Variants in MCUB observed in about 807,000 individuals in gnomAD.
MCUB encodes the protein calcium uniporter regulatory subunit MCUb, mitochondrial.
A neutral mutation model predicts 41.4 loss-of-function variants in MCUB; 46 were observed. The observed-to-expected ratio is 1.11, with a 90% CI of 0.88 to 1.42. The LOEUF is 1.42. MCUB is among the 40% of genes most tolerant of loss of function. MCUB has a pLI of 0.00. For synonymous variants in MCUB, 148 were observed against 148.2 expected (o/e 1.00, Z 0.01); for missense variants, 403 against 404.9 (o/e 1.00, Z 0.04).
intron 1 of MCUB, among the ~76,000 whole-genome samples, chr4:109,655,342 C>T (rs556906534): frequency 6.6e-6 from 1 of 152,280 alleles, no homozygotes; most frequent in East Asian, 1.9e-4. Context: ...TGTTTAGGGA[C>T]TTTCATGGAG....
chr4:109,666,623 A>T (rs919731412), intron 4 of MCUB, among the ~76,000 whole-genome samples: 1 of 152,058 alleles, frequency 6.6e-6, no homozygotes, highest in Non-Finnish European at 1.5e-5. Flanking sequence ...ATCTTTGCCC[A>T]TTTTGTGATC....
intron 4 of MCUB, among the ~76,000 whole-genome samples, chr4:109,682,241 C>CCA (rs1579099389): frequency 1.3e-5 from 2 of 152,182 alleles, no homozygotes; most frequent in East Asian, 3.9e-4. Flanking sequence ...AAGGGAGAGG[C>CCA]CAGAGAGCCT....
intron 1 of MCUB, among the ~76,000 whole-genome samples, chr4:109,635,999 C>T (rs949307915): frequency 6.6e-6 from 1 of 152,186 alleles, no homozygotes; most frequent in African/African-American, 2.4e-5. Flanking sequence ...TTTAGAGATA[C>T]TGCCAGTTTT....
chr4:109,595,669 A>T (rs1159327982), intron 1 of MCUB, among the ~76,000 whole-genome samples: 1 of 152,298 alleles, frequency 6.6e-6, no homozygotes, highest in Non-Finnish European at 1.5e-5. Flanking sequence ...ATAGAGAGAG[A>T]TTTCCATCAT....
chr4:109,679,359 T>C (rs995914845), intron 4 of MCUB, among the ~76,000 whole-genome samples: 2 of 151,896 alleles, frequency 1.3e-5, no homozygotes, highest in East Asian at 1.9e-4. Flanking sequence ...CTGGGCAACA[T>C]TGAGCACTGA....
In MCUB at chr4:109,664,292, G is replaced by T; in HGVS notation, c.349G>T (p.Gly117Cys). ...CATGCATGATGTTTTTCTTTCAGAT[G>T]GCAACATGATTTCAGCTTCTACCTT... is the stretch of plus-strand genomic sequence containing the variant. The part of the protein sequence containing the change: ...IKTAAIFTAD[G>C]NMISASTLMD... The change falls in exon 4 of 8, where the codon GGC becomes TGC. Residue 117 changes from glycine to cysteine, a missense_variant and splice_region_variant. By Grantham distance (159) the Gly-to-Cys change is radical. Coordinates refer to ENST00000394650, the MANE Select transcript of MCUB (RefSeq NM_017918.5). 1 of 1,499,186 alleles carries T rather than the reference G, an allele frequency of 6.7e-7. No homozygotes were observed. Among genetic ancestry groups the T allele is most frequent in the South Asian group, 1.1e-5 (1 of 88,420 alleles). The allele number at this position is 1,499,186 out of a possible 1,614,324, so 92.9% of individuals were successfully genotyped here.
intron 7 of MCUB, among the ~76,000 whole-genome samples, chr4:109,686,139 T>G (rs1410334931): frequency 6.6e-6 from 1 of 152,130 alleles, no homozygotes; most frequent in Non-Finnish European, 1.5e-5. Context: ...TTGAAGGACG[T>G]TTTAATTTAA....
In MCUB at chr4:109,685,309, C is replaced by A; in HGVS notation, c.875C>A (p.Ser292Ter). The change falls in exon 7 of 8, where the codon TCA (serine) becomes TAA (stop). Residue 292 changes from serine (S) to a stop codon, truncating the protein, a stop_gained. Transcript: ENST00000394650. LOFTEE classifies it high-confidence loss of function. ...RQFLQFFHKK[S>*]KQQHFDVQQY... The stretch of plus-strand genomic sequence containing the variant: ...TTTCTTCAGTTCTTCCACAAGAAAT[C>A]AAAGCAACAGCACTTTGATGTGCAG... 6.3e-7 allele frequency: 1 copy of A among 1,594,746 alleles called. No individual in the cohort carries two copies. Among genetic ancestry groups the A allele is most frequent in the South Asian group, 1.1e-5 (1 of 90,604 alleles).
At chr4:109,611,186 G>A (rs1346990745) in intron 1 of MCUB, among the ~76,000 whole-genome samples, 1 of 152,198 alleles carries the variant, frequency 6.6e-6, no homozygotes, top group Non-Finnish European at 1.5e-5. Context: ...CATGGAGAGA[G>A]TGGGGAAGTT....
chr4:109,571,613 ATTG>A, intron 1 of MCUB, among the ~76,000 whole-genome samples: 1 of 152,266 alleles, frequency 6.6e-6, no homozygotes, highest in Middle Eastern at 3.4e-3. Flanking sequence ...GTGCCAGGCT[ATTG>A]TTAAAGCCAG....
At chr4:109,655,984 T>C (rs1382520949) in intron 1 of MCUB, among the ~76,000 whole-genome samples, 2 of 152,204 alleles carry the variant, frequency 1.3e-5, no homozygotes, top group Non-Finnish European at 2.9e-5. Context: ...CCCTGCTGTT[T>C]TTCTCAGGCC....
intron 1 of MCUB, among the ~76,000 whole-genome samples, chr4:109,653,066 T>C (rs1335261265): frequency 2.0e-5 from 3 of 152,184 alleles, no homozygotes; most frequent in Non-Finnish European, 4.4e-5. Flanking sequence ...CACATATAAA[T>C]GTATATTTAA....
chr4:109,622,248 G>T (rs980447320), intron 1 of MCUB, among the ~76,000 whole-genome samples: 2 of 152,142 alleles, frequency 1.3e-5, no homozygotes, highest in Non-Finnish European at 2.9e-5. Flanking sequence ...CTTGTAAAAA[G>T]AACTTGAAGA....
intron 1 of MCUB, among the ~76,000 whole-genome samples, chr4:109,638,768 C>G (rs1728651299): frequency 6.6e-6 from 1 of 152,200 alleles, no homozygotes; most frequent in Non-Finnish European, 1.5e-5. Context: ...TATTCTAAAT[C>G]CTTTGTTATC....
intron 1 of MCUB, among the ~76,000 whole-genome samples, chr4:109,628,058 G>GGAC (rs1337048835): frequency 3.3e-5 from 5 of 152,164 alleles, no homozygotes; most frequent in African/African-American, 1.2e-4. Flanking sequence ...GAGGGGTATA[G>GGAC]GACAAAGAGT....
chr4:109,666,178 A>G (rs751441117), intron 4 of MCUB, among the ~76,000 whole-genome samples: 2 of 152,170 alleles, frequency 1.3e-5, no homozygotes, highest in African/African-American at 2.4e-5. Flanking sequence ...CATTATCTGT[A>G]TGTACCACAG....
intron 1 of MCUB, among the ~76,000 whole-genome samples, chr4:109,641,518 A>T (rs2126140411): frequency 6.6e-6 from 1 of 152,336 alleles, no homozygotes; most frequent in South Asian, 2.1e-4. Flanking sequence ...TAACAGATGT[A>T]ATAGTAATGA....
intron 1 of MCUB, among the ~76,000 whole-genome samples, chr4:109,628,953 C>T (rs553080272): frequency 1.6e-3 from 250 of 152,084 alleles, no homozygotes; most frequent in African/African-American, 5.4e-3. Context: ...AAGCCACGGC[C>T]AAAGGTGTAG....
chr4:109,674,042 C>T (rs1242801442), intron 4 of MCUB: 8 of 1,347,642 alleles, frequency 5.9e-6, no homozygotes, highest in Non-Finnish European at 8.5e-6. Flanking sequence ...CGTGTGGTAG[C>T]CCAAGGCTTT....
Sources: allele counts gnomAD v4.1 joint callset (sites outside exome capture counted in the v4.1 genomes callset), GRCh38; gene constraint gnomAD v4.1.1; transcripts MANE v1.5; gene names NCBI Gene and HGNC (gene_info 2026-07-23, HGNC 2026-07-21).